Variants in PCDH15 observed in about 807,000 individuals in gnomAD.
The protein encoded by PCDH15 is protocadherin-15.
Under a neutral mutation model 178.5 loss-of-function variants are expected in PCDH15, and 129 were observed. The observed-to-expected ratio is 0.72, with a 90% CI of 0.63 to 0.84. The LOEUF (loss-of-function observed/expected upper bound fraction) is 0.84, where lower values mean the gene tolerates loss of function less well. Among genes scored for constraint, PCDH15 ranks in the 40% least tolerant of loss-of-function variants. The pLI, the probability that PCDH15 is intolerant of heterozygous loss-of-function variation, is 0.00. For missense variants in PCDH15, 2,230 were observed against 2,099.9 expected, an observed-to-expected ratio of 1.06 and a Z score of -1.21; for synonymous variants, 800 against 732.0, an observed-to-expected ratio of 1.09 and a Z score of -1.50.
At chr10:54,300,080 G>A (rs891527157) in intron 8 of PCDH15, among the ~76,000 whole-genome samples, 1 of 152,184 alleles carries the variant, frequency 6.6e-6, no homozygotes, top group Admixed American at 6.5e-5. Context: ...TTTGGCAGCA[G>A]AGACTCTCCT....
chr10:55,337,835 A>G (rs886427219), intron 2 of PCDH15, among the ~76,000 whole-genome samples: 2 of 120,878 alleles, frequency 1.7e-5, no homozygotes, highest in African/African-American at 6.8e-5. Flanking sequence ...CTAAGTAGGT[A>G]TAAGAATGAA....
chr10:54,693,966 C>A (rs1022680481), intron 1 of PCDH15, among the ~76,000 whole-genome samples: 9 of 152,032 alleles, frequency 5.9e-5, no homozygotes, highest in Non-Finnish European at 1.2e-4. Flanking sequence ...TAATTTAGAT[C>A]CAACTAGGCC....
intron 20 of PCDH15, among the ~76,000 whole-genome samples, chr10:54,011,758 C>A (rs1350225196): frequency 6.6e-6 from 1 of 152,198 alleles, no homozygotes; most frequent in Non-Finnish European, 1.5e-5. Flanking sequence ...CACAAAACCT[C>A]ACTCCTCTGA....
At chr10:54,903,590 T>C (rs1056349374) in intron 2 of PCDH15, among the ~76,000 whole-genome samples, 2 of 151,846 alleles carry the variant, frequency 1.3e-5, no homozygotes, top group Non-Finnish European at 2.9e-5. Flanking sequence ...TGGGAAAAAG[T>C]ATTTTATGAA....
chr10:54,571,520 C>T lies in PCDH15; in HGVS notation c.92-43643G>A, dbSNP rs569723573. On this transcript the variant is annotated intron_variant, in intron 2 of 37. Transcript: ENST00000644397. ...CTCATTAGAACACAATTATAACAAC[C>T]GAAAAGGCAATGTACTAACCCATGA... is the stretch of plus-strand genomic sequence containing the variant. Among the ~76,000 whole-genome samples the T allele has an allele frequency of 1.3e-4, 19 of 151,980 alleles. No individual in the cohort carries two copies. The South Asian group carries it at 3.7e-3, about 30-fold the overall frequency.
At chr10:54,423,145 ATTGATATT>A (rs1955768236) in intron 3 of PCDH15, among the ~76,000 whole-genome samples, 1 of 152,026 alleles carries the variant, frequency 6.6e-6, no homozygotes, top group Non-Finnish European at 1.5e-5. Flanking sequence ...GTTGAAATTT[ATTGATATT>A]TAGTTATTCA....
At chr10:53,964,011 T>C (rs2088667563) in intron 21 of PCDH15, among the ~76,000 whole-genome samples, 2 of 152,334 alleles carry the variant, frequency 1.3e-5, no homozygotes, top group South Asian at 4.1e-4. Flanking sequence ...TCTGATTTCA[T>C]CTTGTTCATT....
intron 2 of PCDH15, among the ~76,000 whole-genome samples, chr10:54,938,286 G>T (rs931416911): frequency 7.3e-6 from 1 of 137,504 alleles, no homozygotes; most frequent in Non-Finnish European, 1.6e-5. Context: ...GTAATATTTC[G>T]GTTTAGCATA....
intron 1 of PCDH15, among the ~76,000 whole-genome samples, chr10:54,740,023 T>G (rs748862877): frequency 1.3e-5 from 2 of 151,842 alleles, no homozygotes; most frequent in African/African-American, 2.4e-5. Context: ...AAAGCAGAAA[T>G]AGAGAAATGG....
chr10:55,392,663 A>G (rs1837824146), intron 2 of PCDH15, among the ~76,000 whole-genome samples: 2 of 152,188 alleles, frequency 1.3e-5, no homozygotes. Context: ...GCATTAATAT[A>G]TTTCACCATA....
At chr10:55,283,047 A>G (rs1842771688) in intron 1 of PCDH15, among the ~76,000 whole-genome samples, 1 of 152,176 alleles carries the variant, frequency 6.6e-6, no homozygotes. Flanking sequence ...GGGCTAACAA[A>G]TTAGCCATGA....
At chr10:54,942,847 A>G (rs568164853) in intron 2 of PCDH15, among the ~76,000 whole-genome samples, 15 of 152,140 alleles carry the variant, frequency 9.9e-5, no homozygotes, top group African/African-American at 3.4e-4. Context: ...GTCATCATAA[A>G]ATACCCAAAT....
intron 1 of PCDH15, among the ~76,000 whole-genome samples, chr10:54,680,312 A>T (rs2135636768): frequency 6.6e-6 from 1 of 152,270 alleles, no homozygotes; most frequent in East Asian, 1.9e-4. Context: ...CAATTCATGA[A>T]AACAAGCCTG....
At chr10:54,982,712 T>C (rs1839268494) in intron 2 of PCDH15, among the ~76,000 whole-genome samples, 1 of 152,202 alleles carries the variant, frequency 6.6e-6, no homozygotes, top group Admixed American at 6.5e-5. Context: ...ATCTACTTTC[T>C]AAAAATTTTT....
At position 53,807,086 on chromosome 10, in the gene PCDH15, A is replaced by ATACTC. The variant is rs867318653; in HGVS notation, c.4711_4715dup (p.Tyr1572Ter). ...TGTCTTCTCCAGTTGAGCTGGTTTC[A>ATACTC]TACTCTCGATCAACAACTAACTTGA... is the stretch of plus-strand genomic sequence containing the variant. On this transcript the variant is annotated stop_gained and frameshift_variant, in exon 38 of 38. Transcript: ENST00000644397. LOFTEE classifies it high-confidence loss of function. 1.9e-6 allele frequency: 3 copies of ATACTC among 1,612,756 alleles called. No homozygotes were observed. Among genetic ancestry groups the ATACTC allele is most frequent in the South Asian group, 2.2e-5 (2 of 90,898 alleles).
chr10:55,506,282 T>C (rs1436225331), intron 2 of PCDH15: 2 of 151,524 alleles, frequency 1.3e-5, no homozygotes, highest in Non-Finnish European at 3.0e-5. Flanking sequence ...GGAAATCTGC[T>C]TGTTGTAAGT....
rs142135260 is a variant in PCDH15, at chr10:54,901,847, A to C, written c.-79-4347T>G. Reference sequence around the variant, plus strand: ...TTCAAAAGTTCTAGGAATAAATCCTATACAATGTATTTGGGAGATAACCTA... The same window carrying C: ...TTCAAAAGTTCTAGGAATAAATCCTCTACAATGTATTTGGGAGATAACCTA... On this transcript the variant is annotated intron_variant, in intron 2 of 5. Coordinates refer to the PCDH15 transcript ENST00000458638. 9.9e-3 allele frequency among the ~76,000 whole-genome samples: 1,514 copies of C among 152,314 alleles called. 27 individuals carry two copies. The highest frequency in any genetic ancestry group is 0.033 in the African/African-American group (1,379 of 41,574).
chr10:54,309,136 A>G (rs2060736857), intron 8 of PCDH15, among the ~76,000 whole-genome samples: 1 of 151,986 alleles, frequency 6.6e-6, no homozygotes, highest in Non-Finnish European at 1.5e-5. Context: ...TAATATTTAG[A>G]ACACTATTAA....
chr10:55,524,910 G>A (rs1295490150), intron 2 of PCDH15, among the ~76,000 whole-genome samples: 2 of 151,652 alleles, frequency 1.3e-5, no homozygotes. Flanking sequence ...ACTTTACATT[G>A]TTGTTTTTAA....
Sources: allele counts gnomAD v4.1 joint callset (sites outside exome capture counted in the v4.1 genomes callset), GRCh38; gene constraint gnomAD v4.1.1; transcripts MANE v1.5; gene names NCBI Gene and HGNC (gene_info 2026-07-23, HGNC 2026-07-21).